The following ARHGAP35 variants were observed in gnomAD, a reference collection of about 807,000 sequenced individuals.
ARHGAP35 encodes Rho GTPase activating protein 35, also known as rho GTPase-activating protein 35.
In ARHGAP35, 15 loss-of-function variants were observed where a neutral mutation model predicts 111.1. That is an observed-to-expected ratio of 0.13 (90% CI 0.09 to 0.21). ARHGAP35 has a LOEUF of 0.21. Among genes scored for constraint, ARHGAP35 ranks in the 10% least tolerant of loss-of-function variants. The pLI, the probability that ARHGAP35 is intolerant of heterozygous loss-of-function variation, is 1.00. For missense variants in ARHGAP35, 1,262 were observed against 1,873.0 expected, an observed-to-expected ratio of 0.67 and a Z score of 6.02; for synonymous variants, 643 against 710.3, an observed-to-expected ratio of 0.91 and a Z score of 1.51.
intron 2 of ARHGAP35, among the ~76,000 whole-genome samples, chr19:46,932,017 C>T (rs1457833823): frequency 6.6e-6 from 1 of 152,214 alleles, no homozygotes; most frequent in Non-Finnish European, 1.5e-5. Context: ...CACGGTGGCT[C>T]ACACCTGTAA....
intron 5 of ARHGAP35, among the ~76,000 whole-genome samples, chr19:46,996,381 C>A (rs1465813808): frequency 6.6e-6 from 1 of 152,170 alleles, no homozygotes; most frequent in Non-Finnish European, 1.5e-5. Flanking sequence ...GGATTACAGG[C>A]CTGAGCCACC....
chr19:46,980,192 C>G (rs910924437), intron 3 of ARHGAP35, among the ~76,000 whole-genome samples: 15 of 152,108 alleles, frequency 9.9e-5, no homozygotes, highest in Admixed American at 9.8e-4. Context: ...CAAGACCAGC[C>G]TGGCCAACAT....
chr19:46,943,880 G>A (rs1332276443), intron 3 of ARHGAP35, among the ~76,000 whole-genome samples: 3 of 152,220 alleles, frequency 2.0e-5, no homozygotes, highest in African/African-American at 4.8e-5. Context: ...GCCAGGGCAC[G>A]GCCAGCGGGA....
At position 46,920,904 on chromosome 19, in the gene ARHGAP35, A is replaced by G; in HGVS notation, c.2229A>G (p.Gly743=). The change falls in exon 2 of 7, where the codon GGA becomes GGG. Residue 743 remains glycine, a synonymous_variant. Transcript: ENST00000672722. The surrounding 1 kb of genome is among the most constrained non-coding windows in gnomAD (Gnocchi z 7.0). Reference sequence around the variant, plus strand: ...CTGCTTCTGCTGGCATTGGTTACGGACGCAACATTAATGAAAAGCAAATCA... The same window carrying G: ...CTGCTTCTGCTGGCATTGGTTACGGGCGCAACATTAATGAAAAGCAAATCA... ...LDPASAGIGY[G]RNINEKQISQ... 6.2e-7 allele frequency: 1 copy of G among 1,613,884 alleles called. No individual in the cohort carries two copies. The highest frequency in any genetic ancestry group is 8.5e-7 in the Non-Finnish European group (1 of 1,179,818).
Position 46,994,775 on chromosome 19 carries a change from G to C in ARHGAP35, c.4037-4529G>C, listed in dbSNP as rs2056698325. 6.6e-6 allele frequency among the ~76,000 whole-genome samples: 1 copy of C among 152,162 alleles called. No homozygotes were observed. Among genetic ancestry groups the C allele is most frequent in the Admixed American group, 6.5e-5 (1 of 15,276 alleles). ...TCCCCAGTGTGTAAAATAGTACCCA[G>C]GCAGGAGCGGGTCCCCGTAAATATC... is the stretch of plus-strand genomic sequence containing the variant. On this transcript the variant is annotated intron_variant, in intron 5 of 6. Transcript: ENST00000672722. The surrounding 1 kb of genome is among the most constrained non-coding windows in gnomAD (Gnocchi z 5.4).
Position 46,921,008 on chromosome 19 carries a change from C to T in ARHGAP35, c.2333C>T (p.Ala778Val), listed in dbSNP as rs748059754. 3 of 1,613,852 alleles carry T rather than the reference C, an allele frequency of 1.9e-6. No individual in the cohort carries two copies. Among genetic ancestry groups the T allele is most frequent in the Admixed American group, 1.7e-5 (1 of 59,994 alleles). ...VSSTASIKDL[A>V]DVDLRIVMCL... ...TCTACTGCTAGCATCAAAGATTTGGCTGATGTTGATCTGCGAATTGTTATG... is the reference window on the plus strand; with the variant it reads ...TCTACTGCTAGCATCAAAGATTTGGTTGATGTTGATCTGCGAATTGTTATG... The change falls in exon 2 of 7, where the codon GCT becomes GTT. Residue 778 changes from alanine (A) to valine (V), a missense_variant. Transcript: ENST00000672722. This position sits in a 1 kb window ranked among gnomAD's most constrained non-coding sequence, Gnocchi z 4.3.
chr19:46,888,607 T>A (rs2056008180), intron 1 of ARHGAP35, among the ~76,000 whole-genome samples: 1 of 151,692 alleles, frequency 6.6e-6, no homozygotes, highest in Admixed American at 6.6e-5. Context: ...TTTTGTTTTT[T>A]AAAATCTGCT....
intron 3 of ARHGAP35, among the ~76,000 whole-genome samples, chr19:46,965,837 C>T (rs1057230886): frequency 6.6e-6 from 1 of 152,082 alleles, no homozygotes; most frequent in African/African-American, 2.4e-5. Flanking sequence ...CTGTCTTTGC[C>T]AGAATATTCT....
Position 46,988,163 on chromosome 19 carries a change from C to G in ARHGAP35, c.3904+97C>G. The G allele has an allele frequency of 8.6e-7, 1 of 1,164,852 alleles. No homozygotes were observed. Among genetic ancestry groups the G allele is most frequent in the Non-Finnish European group, 1.2e-6 (1 of 803,166 alleles). The allele number at this position is 1,164,852 out of a possible 1,614,324, so 72.2% of individuals were successfully genotyped here. A position where few individuals can be genotyped will look rare whatever the true frequency, so the allele number is the denominator to read the frequency against. ...TCTGTGGGGCTTCGGAGCACTCCTG[C>G]CAGCACAGACCCAAAGCCACGAGGT... On this transcript the variant is annotated intron_variant, in intron 4 of 6. Transcript: ENST00000672722. The surrounding 1 kb of genome is among the most constrained non-coding windows in gnomAD (Gnocchi z 5.4).
At chr19:46,969,557 T>C (rs896555310) in intron 3 of ARHGAP35, among the ~76,000 whole-genome samples, 19 of 152,156 alleles carry the variant, frequency 1.2e-4, no homozygotes, top group Non-Finnish European at 2.1e-4. Flanking sequence ...ACAGCACTAG[T>C]GTCTTCGGTG....
intron 1 of ARHGAP35, among the ~76,000 whole-genome samples, chr19:46,878,303 A>G (rs1342300686): frequency 2.0e-5 from 3 of 151,604 alleles, no homozygotes; most frequent in Admixed American, 6.6e-5. Flanking sequence ...GATTACAGGT[A>G]TGAGCCATCG....
At chr19:46,964,262 T>TTTTTC (rs1271009376) in intron 3 of ARHGAP35, among the ~76,000 whole-genome samples, 5 of 151,838 alleles carry the variant, frequency 3.3e-5, no homozygotes, top group African/African-American at 9.7e-5. Context: ...GTGACTTTTT[T>TTTTTC]TTTTCTTTTC....
At chr19:46,888,058 T>C (rs113444842) in intron 1 of ARHGAP35, among the ~76,000 whole-genome samples, 28,410 of 149,436 alleles carry the variant, frequency 0.19, 3,377 homozygotes, top group Non-Finnish European at 0.28. Flanking sequence ...TTCATGCCAT[T>C]CTCCTGCCTC....
intron 3 of ARHGAP35, among the ~76,000 whole-genome samples, chr19:46,973,798 C>T (rs929649316): frequency 7.2e-5 from 11 of 151,934 alleles, no homozygotes; most frequent in Non-Finnish European, 1.5e-4. Flanking sequence ...CCAGCCTGGC[C>T]AATATGGTGA....
At position 46,906,870 on chromosome 19, in the gene ARHGAP35, C is replaced by A. The variant is rs147320627; in HGVS notation, c.-188-11618C>A. Among the ~76,000 whole-genome samples the A allele has an allele frequency of 2.0e-4, 30 of 152,320 alleles. No individual in the cohort carries two copies. In the East Asian group the frequency reaches 5.4e-3, roughly 27 times the overall value. On this transcript the variant is annotated intron_variant, in intron 1 of 6. Transcript: ENST00000672722. The stretch of plus-strand genomic sequence containing the variant: ...TTGGGAGGCTGAGGTAGGCGGATCA[C>A]ATGAGCCCAGGAGTTCGAGACTAGC...
Position 46,989,479 on chromosome 19 carries a change from G to A in ARHGAP35, c.3905-65G>A, listed in dbSNP as rs1445068888. On this transcript the variant is annotated intron_variant, in intron 4 of 6. Transcript: ENST00000672722. This position sits in a 1 kb window ranked among gnomAD's most constrained non-coding sequence, Gnocchi z 5.3. ...GTTTCTCTAGCCTCTCCTGAGCCCC[G>A]AGTTGTCCTGATGCTTCTGCCTGGC... The A allele has an allele frequency of 7.5e-6, 12 of 1,600,726 alleles. No individual in the cohort carries two copies. Among genetic ancestry groups the A allele is most frequent in the South Asian group, 6.7e-5 (6 of 89,848 alleles).
At chr19:46,877,249 A>C (rs958298161) in intron 1 of ARHGAP35, among the ~76,000 whole-genome samples, 64 of 19,938 alleles carry the variant, frequency 3.2e-3, no homozygotes, top group East Asian at 0.031. Context: ...AAACTGTCTC[A>C]AAAAAAAAAA....
chr19:46,921,999 C>G lies in ARHGAP35; in HGVS notation c.3324C>G (p.Pro1108=), dbSNP rs1235601384. The G allele has an allele frequency of 6.2e-7, 1 of 1,613,962 alleles. No homozygotes were observed. The highest frequency in any genetic ancestry group is 8.5e-7 in the Non-Finnish European group (1 of 1,179,884). Residue 1108 remains proline (P), a synonymous_variant, in exon 2 of 7, where the codon CCC becomes CCG. Transcript: ENST00000672722. This position sits in a 1 kb window ranked among gnomAD's most constrained non-coding sequence, Gnocchi z 4.3. ...RNEEENIYSV[P]HDSTQGKIIT... ...AAGAAGAAAACATATACTCCGTGCCCCATGACAGCACCCAAGGCAAAATCA... is the reference window on the plus strand; with the variant it reads ...AAGAAGAAAACATATACTCCGTGCCGCATGACAGCACCCAAGGCAAAATCA...
intron 3 of ARHGAP35, among the ~76,000 whole-genome samples, chr19:46,984,858 G>T (rs1040706540): frequency 6.6e-6 from 1 of 152,200 alleles, no homozygotes; most frequent in African/African-American, 2.4e-5. Context: ...GCCGGGGCCG[G>T]TGGCCATTAT....
Sources: allele counts gnomAD v4.1 joint callset (sites outside exome capture counted in the v4.1 genomes callset), GRCh38; gene constraint gnomAD v4.1.1; non-coding constraint Gnocchi (gnomAD v3.1); transcripts MANE v1.5; gene names NCBI Gene and HGNC (gene_info 2026-07-23, HGNC 2026-07-21).